Variants in NPC1L1 observed in about 807,000 individuals in gnomAD.
NPC1L1 encodes the protein NPC1 like intracellular cholesterol transporter 1.
In NPC1L1, 98 loss-of-function variants were observed where a neutral mutation model predicts 117.0. The observed-to-expected ratio is 0.84, with a 90% CI of 0.71 to 0.99. The LOEUF is 0.99. Ranked by LOEUF, NPC1L1 falls within the 50% of genes least tolerant of loss-of-function variation. The pLI is 0.00. For missense variants in NPC1L1, 1,540 were observed against 1,710.0 expected, an observed-to-expected ratio of 0.90 and a Z score of 1.75; for synonymous variants, 729 against 727.6, an observed-to-expected ratio of 1.00 and a Z score of -0.03.
Position 44,539,399 on chromosome 7 carries a change from G to A in NPC1L1, c.998C>T (p.Thr333Ile). ...TSLSDKLSFSTHTLLGQFFQG... is the reference protein window; with the variant it reads ...TSLSDKLSFSIHTLLGQFFQG... ...GAAGAACTGGCCAAGGAGGGTGTGG[G>A]TGGAGAAGCTGAGCTTGTCAGAGAG... The change falls in exon 2 of 19, where the codon ACC (threonine) becomes ATC (isoleucine). Residue 333 changes from threonine (T) to isoleucine (I), a missense_variant. Coordinates refer to ENST00000381160, the MANE Select transcript of NPC1L1 (RefSeq NM_001101648.2). This position sits in a 1 kb window ranked among gnomAD's most constrained non-coding sequence, Gnocchi z 4.4. 1 of 1,614,110 alleles carries A rather than the reference G, an allele frequency of 6.2e-7. No individual in the cohort carries two copies. The highest frequency in any genetic ancestry group is 8.5e-7 in the Non-Finnish European group (1 of 1,179,984).
At chr7:44,537,560 C>A (rs1801940016) in intron 2 of NPC1L1, among the ~76,000 whole-genome samples, 3 of 152,218 alleles carry the variant, frequency 2.0e-5, no homozygotes, top group Non-Finnish European at 4.4e-5. Flanking sequence ...TTCTGCAAAG[C>A]CCGTCATTGC....
Position 44,515,817 on chromosome 7 carries a change from A to G in NPC1L1, c.3782T>C (p.Ile1261Thr). 1 of 1,614,124 alleles carries G rather than the reference A, an allele frequency of 6.2e-7. No homozygotes were observed. The highest frequency in any genetic ancestry group is 1.1e-5 in the South Asian group (1 of 91,082). ...LLHGLVFLPV[I>T]LSYVGPDVNP... ...TGGGCACTCACCCACGTAGCTGAGGATGACGGGCAGGAAGACCAAGCCATG... is the reference window on the plus strand; with the variant it reads ...TGGGCACTCACCCACGTAGCTGAGGGTGACGGGCAGGAAGACCAAGCCATG... Residue 1261 changes from isoleucine to threonine, a missense_variant, in exon 18 of 19, where the codon ATC (isoleucine) becomes ACC (threonine). Transcript: ENST00000381160.
At chr7:44,517,127 C>T in intron 15 of NPC1L1, 80 bp downstream of exon 15, 3 of 1,592,488 alleles carry the variant, frequency 1.9e-6, no homozygotes, top group East Asian at 2.2e-5. Flanking sequence ...CATGCAACTC[C>T]TTGCAAGCCC....
intron 15 of NPC1L1, 136 bp downstream of exon 15, chr7:44,517,071 C>T: frequency 1.4e-6 from 2 of 1,442,972 alleles, no homozygotes; most frequent in Non-Finnish European, 1.9e-6. Context: ...AGAAATAGGC[C>T]CAAGGCTGCA....
intron 18 of NPC1L1, among the ~76,000 whole-genome samples, chr7:44,514,049 C>G (rs1378760550): frequency 6.6e-6 from 1 of 152,224 alleles, no homozygotes; most frequent in Non-Finnish European, 1.5e-5. Context: ...GCTCCAACCC[C>G]TACTACCTTT....
chr7:44,539,637 A>G lies in NPC1L1; in HGVS notation c.760T>C (p.Cys254Arg). The G allele has an allele frequency of 6.2e-7, 1 of 1,613,838 alleles. No homozygotes were observed. The highest frequency in any genetic ancestry group is 1.1e-5 in the South Asian group (1 of 91,084). The stretch of plus-strand genomic sequence containing the variant: ...GATGCAGCACAGTCTTGGCAGGAGC[A>G]GGTCGCCACGTCGTCACCTTGGGAC... ...NESQGDDVAT[C>R]SCQDCAASCP... Residue 254 changes from cysteine (C) to arginine (R), a missense_variant, in exon 2 of 19, where the codon TGC (cysteine) becomes CGC (arginine). Transcript: ENST00000381160. This position sits in a 1 kb window ranked among gnomAD's most constrained non-coding sequence, Gnocchi z 4.4.
At chr7:44,531,022 C>A (rs906019801) in intron 10 of NPC1L1, among the ~76,000 whole-genome samples, 2 of 152,208 alleles carry the variant, frequency 1.3e-5, no homozygotes, top group Non-Finnish European at 2.9e-5. Flanking sequence ...ACATCGAGTC[C>A]CCTCGATGCC....
chr7:44,537,230 G>T (rs1029854582), intron 2 of NPC1L1, among the ~76,000 whole-genome samples: 2 of 152,220 alleles, frequency 1.3e-5, no homozygotes, highest in Non-Finnish European at 2.9e-5. Flanking sequence ...GCAGGCAGGG[G>T]CTGCTCCGGG....
chr7:44,526,210 A>T (rs1801511965), intron 10 of NPC1L1, among the ~76,000 whole-genome samples: 1 of 151,788 alleles, frequency 6.6e-6, no homozygotes, highest in Non-Finnish European at 1.5e-5. Flanking sequence ...AAGAAAAAAC[A>T]ATTGTCAATG....
At position 44,528,793 on chromosome 7, in the gene NPC1L1, G is replaced by T. The variant is rs138900689; in HGVS notation, c.2637+2962C>A. On this transcript the variant is annotated intron_variant, in intron 10 of 18. Coordinates refer to ENST00000381160, the MANE Select transcript of NPC1L1 (RefSeq NM_001101648.2). The stretch of plus-strand genomic sequence containing the variant: ...AATCAAAAGAGAGTAGTAGGACCAG[G>T]CATGGTGGCTCACGCCTGTAATCCC... 1.7e-3 allele frequency among the ~76,000 whole-genome samples: 254 copies of T among 152,250 alleles called. 1 individual carries two copies. The highest frequency in any genetic ancestry group is 5.6e-3 in the African/African-American group (234 of 41,558).
chr7:44,518,972 C>CTTCT (rs1286323255), intron 14 of NPC1L1, among the ~76,000 whole-genome samples: 17 of 150,030 alleles, frequency 1.1e-4, no homozygotes, highest in East Asian at 3.9e-4. Context: ...TCCTTCCTTC[C>CTTCT]TTCTTTCTTT....
intron 1 of NPC1L1, 151 bp downstream of exon 1, chr7:44,541,055 C>G: frequency 1.3e-6 from 1 of 792,844 alleles, no homozygotes; most frequent in South Asian, 1.7e-5. Flanking sequence ...TCTGTGGGGC[C>G]TGGCATCCCT....
chr7:44,513,697 A>T lies in NPC1L1; in HGVS notation c.3797-48T>A, dbSNP rs780712583. The T allele has an allele frequency of 7.5e-6, 12 of 1,593,626 alleles. 1 individual carries two copies. In the South Asian group the frequency reaches 1.1e-4, roughly 15 times the overall value. ...AGTCAGAGAGGTGGGCAGGGGACAC[A>T]GGTGAGAAGCTATTCCTGGTTCTGT... On this transcript the variant is annotated intron_variant, in intron 18 of 18. Coordinates refer to ENST00000381160, the MANE Select transcript of NPC1L1 (RefSeq NM_001101648.2).
At chr7:44,516,671 A>G in intron 16 of NPC1L1, 32 bp downstream of exon 16, 1 of 1,556,946 alleles carries the variant, frequency 6.4e-7, no homozygotes, top group South Asian at 1.1e-5. Flanking sequence ...ACCCCTCCAG[A>G]GGCCCCCTGG....
rs755670266 is a variant in NPC1L1, at chr7:44,539,434, C to G, written c.963G>C (p.Lys321Asn). 4 of 1,613,992 alleles carry G rather than the reference C, an allele frequency of 2.5e-6. No individual in the cohort carries two copies. The highest frequency in any genetic ancestry group is 3.4e-6 in the Non-Finnish European group (4 of 1,179,970). Residue 321 changes from lysine to asparagine, a missense_variant, in exon 2 of 19, where the codon AAG becomes AAC. Coordinates refer to ENST00000381160, the MANE Select transcript of NPC1L1 (RefSeq NM_001101648.2). The surrounding 1 kb of genome is among the most constrained non-coding windows in gnomAD (Gnocchi z 4.4). ...TGAGCTTGTCAGAGAGGCTGGTGCC[C>G]TTCTTGGGGTCCACCATCTTGCTTT... ...RDKSKMVDPK[K>N]GTSLSDKLSF...
rs1282343734 is a variant in NPC1L1, at chr7:44,539,781, G to A, written c.616C>T (p.Gln206Ter). 1 of 1,614,066 alleles carries A rather than the reference G, an allele frequency of 6.2e-7. No individual in the cohort carries two copies. Among genetic ancestry groups the A allele is most frequent in the African/African-American group, 1.3e-5 (1 of 74,944 alleles). ...LCNAQRWLNF[Q>*]GDTGNGLAPL... Reference sequence around the variant, plus strand: ...GCCAGACCATTGCCTGTGTCTCCCTGGAAGTTGAGCCAGCGCTGGGCATTG... The same window carrying A: ...GCCAGACCATTGCCTGTGTCTCCCTAGAAGTTGAGCCAGCGCTGGGCATTG... Residue 206 changes from glutamine to a stop codon, truncating the protein, a stop_gained, in exon 2 of 19, where the codon CAG becomes TAG. Transcript: ENST00000381160. LOFTEE classifies it high-confidence loss of function. This position sits in a 1 kb window ranked among gnomAD's most constrained non-coding sequence, Gnocchi z 4.4.
At chr7:44,514,395 C>T (rs565584669) in intron 18 of NPC1L1, among the ~76,000 whole-genome samples, 132 of 152,330 alleles carry the variant, frequency 8.7e-4, no homozygotes, top group Middle Eastern at 3.4e-3. Context: ...AGACCGGGTG[C>T]GGTGGCCCAC....
In NPC1L1 at chr7:44,539,054, TGCAGCTCTA is replaced by T; in HGVS notation, c.1334_1342del (p.Leu445_Leu447del). On this transcript the variant is annotated inframe_deletion, in exon 2 of 19. Transcript: ENST00000381160. This position sits in a 1 kb window ranked among gnomAD's most constrained non-coding sequence, Gnocchi z 4.4. ...TACCTGGAGGTGCCGCAGCCTCTCCTGCAGCTCTAGCAGCTCCAGCAGCAAGTCCAGGTC... is the reference window on the plus strand; with the variant it reads ...TACCTGGAGGTGCCGCAGCCTCTCCTGCAGCTCCAGCAGCAAGTCCAGGTC... 6.2e-7 allele frequency: 1 copy of T among 1,614,102 alleles called. No individual in the cohort carries two copies. The highest frequency in any genetic ancestry group is 1.1e-5 in the South Asian group (1 of 91,084).
intron 10 of NPC1L1, among the ~76,000 whole-genome samples, chr7:44,530,085 C>A (rs576507861): frequency 6.7e-6 from 1 of 150,234 alleles, no homozygotes; most frequent in Non-Finnish European, 1.5e-5. Flanking sequence ...CACCTGTAAT[C>A]CCAGCACTTT....
Sources: allele counts gnomAD v4.1 joint callset (sites outside exome capture counted in the v4.1 genomes callset), GRCh38; gene constraint gnomAD v4.1.1; non-coding constraint Gnocchi (gnomAD v3.1); transcripts MANE v1.5; gene names NCBI Gene and HGNC (gene_info 2026-07-23, HGNC 2026-07-21).